The following HECW2 variants were observed in gnomAD, a reference collection of about 807,000 sequenced individuals.
HECW2 encodes the protein E3 ubiquitin-protein ligase HECW2.
In HECW2, 61 loss-of-function variants were observed where a neutral mutation model predicts 175.2. The observed-to-expected ratio is 0.35, with a 90% CI of 0.28 to 0.43. HECW2 has a LOEUF of 0.43. Among genes scored for constraint, HECW2 ranks in the 20% least tolerant of loss-of-function variants. The pLI is 1.00. For missense variants in HECW2, 1,524 were observed against 2,000.5 expected, an observed-to-expected ratio of 0.76 and a Z score of 4.54; for synonymous variants, 671 against 731.0, an observed-to-expected ratio of 0.92 and a Z score of 1.32.
intron 2 of HECW2, among the ~76,000 whole-genome samples, chr2:196,398,954 T>C (rs1694744154): frequency 6.6e-6 from 1 of 152,208 alleles, no homozygotes; most frequent in Non-Finnish European, 1.5e-5. Flanking sequence ...CACTCCAGCC[T>C]GGGCAAGAGA....
At chr2:196,207,749 G>A (rs913283095) in intron 28 of HECW2, among the ~76,000 whole-genome samples, 2 of 152,326 alleles carry the variant, frequency 1.3e-5, no homozygotes, top group East Asian at 1.9e-4. Flanking sequence ...AGTATCTATA[G>A]ACGGGTGAGG....
At chr2:196,276,241 C>A (rs546984005) in intron 15 of HECW2, among the ~76,000 whole-genome samples, 1 of 152,152 alleles carries the variant, frequency 6.6e-6, no homozygotes, top group African/African-American at 2.4e-5. Context: ...TCAGAAAGGA[C>A]ACTCCCCCGG....
At chr2:196,347,062 A>AT (rs1281598854) in intron 2 of HECW2, among the ~76,000 whole-genome samples, 5 of 147,452 alleles carry the variant, frequency 3.4e-5, no homozygotes, top group African/African-American at 1.2e-4. Context: ...TTATTTATTT[A>AT]TTTTTTTTGA....
chr2:196,493,848 T>C (rs1180675973), intron 1 of HECW2, among the ~76,000 whole-genome samples: 3 of 152,216 alleles, frequency 2.0e-5, no homozygotes, highest in African/African-American at 4.8e-5. Flanking sequence ...GGCTTCCCAA[T>C]ATAAGCATCT....
chr2:196,519,869 A>G (rs1488535201), intron 1 of HECW2, among the ~76,000 whole-genome samples: 1 of 152,224 alleles, frequency 6.6e-6, no homozygotes, highest in Non-Finnish European at 1.5e-5. Flanking sequence ...GGGGTAATCA[A>G]CTGACTAACT....
chr2:196,519,301 C>T (rs1183683967), intron 1 of HECW2, among the ~76,000 whole-genome samples: 1 of 152,114 alleles, frequency 6.6e-6, no homozygotes, highest in Non-Finnish European at 1.5e-5. Flanking sequence ...CATAGATTCA[C>T]CAGAAGAGCA....
chr2:196,460,699 C>G (rs1696707589), intron 1 of HECW2, among the ~76,000 whole-genome samples: 1 of 151,758 alleles, frequency 6.6e-6, no homozygotes, highest in East Asian at 1.9e-4. Flanking sequence ...CAGCCTTAAC[C>G]TCCTGGGCTC....
intron 1 of HECW2, among the ~76,000 whole-genome samples, chr2:196,448,150 A>G (rs1410001123): frequency 6.6e-6 from 1 of 152,240 alleles, no homozygotes; most frequent in East Asian, 1.9e-4. Context: ...ATGTTGGTGT[A>G]AGATAAAATA....
At chr2:196,351,900 C>T (rs1051697288) in intron 2 of HECW2, among the ~76,000 whole-genome samples, 3 of 152,156 alleles carry the variant, frequency 2.0e-5, no homozygotes, top group Non-Finnish European at 2.9e-5. Flanking sequence ...TTCAGAGGGA[C>T]TGCTTGACTG....
intron 2 of HECW2, among the ~76,000 whole-genome samples, chr2:196,417,007 C>T (rs973507608): frequency 6.6e-6 from 1 of 152,176 alleles, no homozygotes; most frequent in Non-Finnish European, 1.5e-5. Flanking sequence ...AGCAACTCCA[C>T]GATGAAGGAA....
intron 21 of HECW2, among the ~76,000 whole-genome samples, chr2:196,230,841 C>T (rs1000591104): frequency 8.5e-5 from 13 of 152,128 alleles, no homozygotes; most frequent in African/African-American, 1.7e-4. Context: ...CCATGGCTCA[C>T]GCCTGTAATC....
At chr2:196,270,858 G>A (rs1352876894) in intron 17 of HECW2, among the ~76,000 whole-genome samples, 1 of 152,030 alleles carries the variant, frequency 6.6e-6, no homozygotes, top group East Asian at 1.9e-4. Flanking sequence ...ACCATGCTCA[G>A]CTAGTTTTTG....
At chr2:196,230,824 C>T (rs903620221) in intron 21 of HECW2, among the ~76,000 whole-genome samples, 21 of 152,332 alleles carry the variant, frequency 1.4e-4, no homozygotes, top group African/African-American at 5.1e-4. Flanking sequence ...CTTAATATGG[C>T]TGGGTGCCAT....
At chr2:196,500,495 T>C (rs917715310) in intron 1 of HECW2, among the ~76,000 whole-genome samples, 6 of 152,210 alleles carry the variant, frequency 3.9e-5, no homozygotes, top group African/African-American at 1.4e-4. Flanking sequence ...TAAGTAATTG[T>C]TGCTGTCACT....
intron 2 of HECW2, among the ~76,000 whole-genome samples, chr2:196,380,836 G>A (rs1182206209): frequency 1.3e-5 from 2 of 152,146 alleles, no homozygotes; most frequent in East Asian, 3.8e-4. Context: ...ATAATAAAAT[G>A]TTACACAGCC....
At chr2:196,528,307 C>G (rs1220019703) in intron 1 of HECW2, among the ~76,000 whole-genome samples, 2 of 152,014 alleles carry the variant, frequency 1.3e-5, no homozygotes, top group African/African-American at 2.4e-5. Context: ...AACATTGGTA[C>G]CTATATTATT....
chr2:196,203,726 A>G (rs932676614), intron 28 of HECW2, among the ~76,000 whole-genome samples: 10 of 152,166 alleles, frequency 6.6e-5, no homozygotes, highest in African/African-American at 2.4e-4. Context: ...ATAATATAAC[A>G]TTTACCATTT....
intron 1 of HECW2, among the ~76,000 whole-genome samples, chr2:196,569,993 T>G (rs909875636): frequency 1.3e-5 from 2 of 152,220 alleles, no homozygotes; most frequent in Admixed American, 6.5e-5. Context: ...CACCTGTGAA[T>G]AGCCAACGCA....
intron 1 of HECW2, among the ~76,000 whole-genome samples, chr2:196,512,214 G>A (rs1403499681): frequency 6.6e-6 from 1 of 152,124 alleles, no homozygotes; most frequent in Non-Finnish European, 1.5e-5. Flanking sequence ...AAACATAAGA[G>A]ATTTTCAAAA....
Sources: allele counts gnomAD v4.1 joint callset (sites outside exome capture counted in the v4.1 genomes callset), GRCh38; gene constraint gnomAD v4.1.1; transcripts MANE v1.5; gene names NCBI Gene and HGNC (gene_info 2026-07-23, HGNC 2026-07-21).